GALK2: variants seen among roughly 807,000 people sequenced by gnomAD.
GALK2 encodes the protein galactokinase 2.
Under a neutral mutation model 52.4 loss-of-function variants are expected in GALK2, and 36 were observed. The ratio of observed to expected loss-of-function variants is 0.69; its 90% CI spans 0.53 to 0.91. The LOEUF (loss-of-function observed/expected upper bound fraction) is 0.91. GALK2 is among the 40% of genes least tolerant of loss of function. The pLI is 0.00. For synonymous variants in GALK2, 176 were observed against 199.1 expected (o/e 0.88, Z 0.98); for missense variants, 579 against 559.1 (o/e 1.04, Z -0.36).
In GALK2 at chr15:49,328,738, G is replaced by A. The variant is rs766300150; in HGVS notation, c.*579G>A. On this transcript the variant is annotated 3_prime_UTR_variant, in exon 10 of 10. Transcript: ENST00000560031. ...TCTTGGACATTGTATAATTGAATTTGAATGTGAGATTTCTCCAGTTATCAA... is the reference window on the plus strand; with the variant it reads ...TCTTGGACATTGTATAATTGAATTTAAATGTGAGATTTCTCCAGTTATCAA... 2.7e-6 allele frequency: 4 copies of A among 1,503,398 alleles called. No homozygotes were observed. Among genetic ancestry groups the A allele is most frequent in the Non-Finnish European group, 8.9e-7 (1 of 1,120,574 alleles). The allele number at this position is 1,503,398 out of a possible 1,614,324, so 93.1% of individuals were successfully genotyped here. A position where few individuals can be genotyped will look rare whatever the true frequency, so the allele number is the denominator to read the frequency against.
At chr15:49,165,973 T>G (rs971312364), upstream of GALK2, among the ~76,000 whole-genome samples, 2 of 151,958 alleles carry the variant, frequency 1.3e-5, no homozygotes, top group Admixed American at 6.6e-5. Context: ...CAGCTAATTT[T>G]TTGTATTTTT....
intron 3 of GALK2, among the ~76,000 whole-genome samples, chr15:49,338,569 C>T (rs1260644484): frequency 6.6e-6 from 1 of 152,192 alleles, no homozygotes; most frequent in Admixed American, 6.5e-5. Flanking sequence ...TTTTTTCCTT[C>T]ATTTCAACCT....
At chr15:49,220,121 A>G (rs2089690739) in intron 3 of GALK2, among the ~76,000 whole-genome samples, 1 of 139,802 alleles carries the variant, frequency 7.2e-6, no homozygotes, top group Non-Finnish European at 1.5e-5. Context: ...GGGACATTAC[A>G]GGTCCTTTCT....
intron 5 of GALK2, among the ~76,000 whole-genome samples, chr15:49,273,188 G>T (rs1229214576): frequency 6.6e-6 from 1 of 151,860 alleles, no homozygotes; most frequent in Non-Finnish European, 1.5e-5. Context: ...TGTGAAAAAA[G>T]CATGAGTGCT....
intron 8 of GALK2, among the ~76,000 whole-genome samples, chr15:49,294,920 C>G (rs1307750707): frequency 6.6e-6 from 1 of 152,074 alleles, no homozygotes; most frequent in East Asian, 1.9e-4. Flanking sequence ...CAAAGTAGCA[C>G]AAGGAGTCGA....
chr15:49,314,038 T>C (rs1339554435), intron 8 of GALK2, among the ~76,000 whole-genome samples: 5 of 152,230 alleles, frequency 3.3e-5, no homozygotes, highest in African/African-American at 1.2e-4. Context: ...TGGCGCTCAG[T>C]GTGCCTCACC....
At chr15:49,327,624 G>A (rs117926868) in intron 9 of GALK2, 3,235 of 178,722 alleles carry the variant, frequency 0.018, 48 homozygotes, top group African/African-American at 0.028. Flanking sequence ...CCTGATTTAC[G>A]TGTAAGCTTG....
chr15:49,336,822 G>A (rs1340257152), downstream of GALK2, among the ~76,000 whole-genome samples: 1 of 152,158 alleles, frequency 6.6e-6, no homozygotes, highest in Non-Finnish European at 1.5e-5. Flanking sequence ...AGTGAGCACA[G>A]AACATGATAG....
chr15:49,335,290 T>G, downstream of GALK2: 1 of 610,198 alleles, frequency 1.6e-6, no homozygotes, highest in East Asian at 2.9e-5. Flanking sequence ...AAAGAATCTC[T>G]GAGTCTATAA....
At chr15:49,245,782 T>C (rs2091318004) in intron 5 of GALK2, among the ~76,000 whole-genome samples, 1 of 152,202 alleles carries the variant, frequency 6.6e-6, no homozygotes, top group African/African-American at 2.4e-5. Context: ...ACTCAAAACC[T>C]CTAACTAATT....
At chr15:49,366,222 T>TG (rs2045154518) in intron 3 of GALK2, 6 of 789,104 alleles carry the variant, frequency 7.6e-6, no homozygotes, top group Non-Finnish European at 1.4e-5. Flanking sequence ...ACAGTAATGT[T>TG]ATTTCCTAGA....
chr15:49,366,603 C>T (rs929635240), intron 3 of GALK2: 1 of 1,600,702 alleles, frequency 6.2e-7, no homozygotes, highest in Non-Finnish European at 8.6e-7. Context: ...TGCAAGATTG[C>T]TTCCTGAGCG....
intron 1 of GALK2, among the ~76,000 whole-genome samples, chr15:49,182,891 C>G (rs959799964): frequency 1.3e-5 from 2 of 151,712 alleles, no homozygotes; most frequent in African/African-American, 4.8e-5. Context: ...GTTTTTAATC[C>G]CAGTCAGATA....
chr15:49,197,647 T>C (rs1172964862), intron 1 of GALK2, among the ~76,000 whole-genome samples: 2 of 152,166 alleles, frequency 1.3e-5, no homozygotes, highest in African/African-American at 4.8e-5. Context: ...ATTTTCCACT[T>C]ATAACGTCAT....
chr15:49,328,672 A>G lies in GALK2; in HGVS notation c.*513A>G. 1.3e-6 allele frequency: 2 copies of G among 1,556,156 alleles called. No homozygotes were observed. The highest frequency in any genetic ancestry group is 1.7e-6 in the Non-Finnish European group (2 of 1,148,390). ...CATTCTCTCTCAATTTCAGCTTCGG[A>G]ACGCTATGAAAATAATACATGATTA... On this transcript the variant is annotated 3_prime_UTR_variant, in exon 10 of 10. Transcript: ENST00000560031.
intron 1 of GALK2, among the ~76,000 whole-genome samples, chr15:49,175,928 G>A (rs976171773): frequency 1.3e-5 from 2 of 152,132 alleles, no homozygotes; most frequent in Non-Finnish European, 2.9e-5. Flanking sequence ...CCTCTCATGT[G>A]GACCCCCTTA....
At chr15:49,231,287 C>G (rs573055865) in intron 3 of GALK2, among the ~76,000 whole-genome samples, 1 of 152,132 alleles carries the variant, frequency 6.6e-6, no homozygotes, top group East Asian at 1.9e-4. Flanking sequence ...CAGCTACACA[C>G]TTTTTACACA....
At chr15:49,244,284 T>A (rs2141530824) in intron 5 of GALK2, among the ~76,000 whole-genome samples, 1 of 151,764 alleles carries the variant, frequency 6.6e-6, no homozygotes, top group South Asian at 2.1e-4. Flanking sequence ...AAAGTGAAAA[T>A]GTGAATTTGG....
chr15:49,326,327 C>G (rs2037487641), intron 9 of GALK2, among the ~76,000 whole-genome samples: 1 of 136,394 alleles, frequency 7.3e-6, no homozygotes, highest in African/African-American at 2.8e-5. Flanking sequence ...GCGGTGCAAT[C>G]TCGGCTCACT....
Sources: gnomAD v4.1 joint callset for allele counts (sites outside exome capture counted in the v4.1 genomes callset) on GRCh38, gnomAD v4.1.1 for gene constraint, MANE v1.5 for transcripts, NCBI Gene and HGNC (gene_info 2026-07-23, HGNC 2026-07-21) for gene names.